Variants in PIAS2 observed in about 807,000 individuals in gnomAD.
The protein encoded by PIAS2 is protein inhibitor of activated STAT 2.
PIAS2 carries 19 observed loss-of-function variants against 69.7 expected under a neutral mutation model. That is an observed-to-expected ratio of 0.27 (90% CI 0.19 to 0.40). The LOEUF (loss-of-function observed/expected upper bound fraction) is 0.40, where lower values mean the gene tolerates loss of function less well. Among genes scored for constraint, PIAS2 ranks in the 10% least tolerant of loss-of-function variants. The pLI is 1.00. For synonymous variants in PIAS2, 261 were observed against 263.2 expected, an observed-to-expected ratio of 0.99 and a Z score of 0.08; for missense variants, 624 against 757.0, an observed-to-expected ratio of 0.82 and a Z score of 2.06.
chr18:46,917,922 GT>G (rs1287207423), upstream of PIAS2: 2 of 152,244 alleles, frequency 1.3e-5, no homozygotes, highest in Non-Finnish European at 2.9e-5. Flanking sequence ...AAATATGGGT[GT>G]TGGGTAAGCT....
In PIAS2 at chr18:46,810,416, C is replaced by G. The variant is rs1205488890; in HGVS notation, c.*2017G>C. 1 of 152,050 alleles carries G rather than the reference C, an allele frequency of 6.6e-6. No individual in the cohort carries two copies. Among genetic ancestry groups the G allele is most frequent in the Non-Finnish European group, 1.5e-5 (1 of 68,030 alleles). The allele number at this position is 152,050 out of a possible 1,614,324, so 9.4% of individuals were successfully genotyped here. On this transcript the variant is annotated 3_prime_UTR_variant, in exon 14 of 14. Transcript: ENST00000585916. ...AAGTTAAGTTTTTTCTATCTGATTA[C>G]AGAGTCAATAAATATTGCATCTGTA...
chr18:46,914,852 C>T (rs1038220926), intron 1 of PIAS2, among the ~76,000 whole-genome samples: 1 of 152,054 alleles, frequency 6.6e-6, no homozygotes, highest in African/African-American at 2.4e-5. Context: ...TTTTCCTGGT[C>T]CTATAATTTA....
At position 46,805,037 on chromosome 18, in the gene PIAS2, G is replaced by C. The variant is rs745741875; in HGVS notation, c.*7396C>G. 2.0e-5 allele frequency: 3 copies of C among 152,252 alleles called. No individual in the cohort carries two copies. The highest frequency in any genetic ancestry group is 4.4e-5 in the Non-Finnish European group (3 of 68,072). 9.4% of individuals were successfully genotyped at this position (152,252 alleles called of 1,614,324 possible). ...GAAACTGGAAACAAAAAAGGATGGAGGTGGTCATAGGTGGGGAAGAAATCA... is the reference window on the plus strand; with the variant it reads ...GAAACTGGAAACAAAAAAGGATGGACGTGGTCATAGGTGGGGAAGAAATCA... On this transcript the variant is annotated 3_prime_UTR_variant, in exon 14 of 14. Coordinates refer to ENST00000585916, the MANE Select transcript of PIAS2 (RefSeq NM_004671.5).
chr18:46,830,293 G>A (rs1209946234), intron 9 of PIAS2, among the ~76,000 whole-genome samples: 2 of 151,874 alleles, frequency 1.3e-5, no homozygotes, highest in African/African-American at 4.8e-5. Flanking sequence ...GGAAGAAAAG[G>A]GAAATAAAAG....
chr18:46,845,832 T>C (rs997941783), intron 6 of PIAS2, among the ~76,000 whole-genome samples: 1 of 152,182 alleles, frequency 6.6e-6, no homozygotes, highest in African/African-American at 2.4e-5. Flanking sequence ...ATTATCCCCA[T>C]TACATGGCAA....
chr18:46,815,816 C>A (rs1426389030), intron 12 of PIAS2: 1 of 993,968 alleles, frequency 1.0e-6, no homozygotes, highest in African/African-American at 1.7e-5. Context: ...TCTGTCCCCG[C>A]TGTCCCCACA....
At position 46,860,188 on chromosome 18, in the gene PIAS2, G is replaced by T. The variant is rs1410717604; in HGVS notation, c.584+3976C>A. Among the ~76,000 whole-genome samples the T allele has an allele frequency of 2.0e-5, 3 of 152,148 alleles. No homozygotes were observed. The East Asian group carries it at 5.8e-4, about 29-fold the overall frequency. ...AACTTTAAAAACCACTCATGTTTGG[G>T]TTCAATCCTGAGATTCTAATTTAAC... On this transcript the variant is annotated intron_variant, in intron 3 of 13. Transcript: ENST00000585916.
rs869285083 is a variant in PIAS2, at chr18:46,807,383, A to ATTTTTTTTT, written c.*5041_*5049dup. ...TATATATATATATATATATATATAT[A>ATTTTTTTTT]TTTTTTTTTTTTTTTTTTTTTTTTT... On this transcript the variant is annotated 3_prime_UTR_variant, in exon 14 of 14. Coordinates refer to ENST00000585916, the MANE Select transcript of PIAS2 (RefSeq NM_004671.5). 5.2e-4 allele frequency: 6 copies of ATTTTTTTTT among 11,600 alleles called. No individual in the cohort carries two copies. Among genetic ancestry groups the ATTTTTTTTT allele is most frequent in the African/African-American group, 5.4e-4 (1 of 1,846 alleles). The allele number at this position is 11,600 out of a possible 1,614,324, so 0.7% of individuals were successfully genotyped here.
chr18:46,892,184 A>AGTCT (rs1364600467), intron 1 of PIAS2, among the ~76,000 whole-genome samples: 1 of 152,114 alleles, frequency 6.6e-6, no homozygotes, highest in Non-Finnish European at 1.5e-5. Flanking sequence ...GTACTTTTTA[A>AGTCT]GTCTCAGGGA....
At chr18:46,851,051 T>C (rs2046890805) in intron 5 of PIAS2, among the ~76,000 whole-genome samples, 1 of 152,230 alleles carries the variant, frequency 6.6e-6, no homozygotes, top group Non-Finnish European at 1.5e-5. Flanking sequence ...AGGTGCCTCT[T>C]CAAATTGGGG....
At chr18:46,890,377 G>C (rs373821695) in intron 2 of PIAS2, among the ~76,000 whole-genome samples, 9 of 152,190 alleles carry the variant, frequency 5.9e-5, no homozygotes, top group African/African-American at 2.2e-4. Flanking sequence ...AAAAGAATTG[G>C]AGAAGAAGAA....
chr18:46,803,639 G>A lies in PIAS2; in HGVS notation c.*8794C>T, dbSNP rs1047494811. 6.6e-6 allele frequency: 1 copy of A among 152,186 alleles called. No individual in the cohort carries two copies. Among genetic ancestry groups the A allele is most frequent in the Non-Finnish European group, 1.5e-5 (1 of 68,042 alleles). 9.4% of individuals were successfully genotyped at this position (152,186 alleles called of 1,614,324 possible). On this transcript the variant is annotated 3_prime_UTR_variant, in exon 14 of 14. Coordinates refer to ENST00000585916, the MANE Select transcript of PIAS2 (RefSeq NM_004671.5). Reference sequence around the variant, plus strand: ...ATTTTTGTTCCAGTTCCAAAGTATTGAGTCTAATAATGATTTGGGTCAGGT... The same window carrying A: ...ATTTTTGTTCCAGTTCCAAAGTATTAAGTCTAATAATGATTTGGGTCAGGT...
At chr18:46,831,534 A>T (rs993479591) in intron 9 of PIAS2, among the ~76,000 whole-genome samples, 1 of 152,226 alleles carries the variant, frequency 6.6e-6, no homozygotes, top group Admixed American at 6.5e-5. Flanking sequence ...AATCTACAAT[A>T]GCCAAGATAA....
At chr18:46,911,838 G>T (rs2057299606) in intron 1 of PIAS2, among the ~76,000 whole-genome samples, 1 of 152,236 alleles carries the variant, frequency 6.6e-6, no homozygotes, top group Non-Finnish European at 1.5e-5. Flanking sequence ...ATCACCGGAG[G>T]TCAGGAGTTC....
chr18:46,898,852 GGCGTGATGGGAGGGTGCCTGTAATCCCA>G (rs1389201843), intron 1 of PIAS2, among the ~76,000 whole-genome samples: 4 of 151,896 alleles, frequency 2.6e-5, no homozygotes, highest in Non-Finnish European at 5.9e-5. Context: ...ATATTAGCCG[GGCGTGATGGGAGGGTGCCTGTAATCCCA>G]GCTACTTGGG....
In PIAS2 at chr18:46,846,817, C is replaced by T. The variant is rs761260067; in HGVS notation, c.751G>A (p.Gly251Arg). 1 of 1,609,022 alleles carries T rather than the reference C, an allele frequency of 6.2e-7. No homozygotes were observed. Among genetic ancestry groups the T allele is most frequent in the South Asian group, 1.1e-5 (1 of 89,740 alleles). Residue 251 changes from glycine (G) to arginine (R), a missense_variant, in exon 6 of 14, where the codon GGG (glycine) becomes AGG (arginine). By Grantham distance (125) the Gly-to-Arg change is moderately radical. Coordinates refer to ENST00000585916, the MANE Select transcript of PIAS2 (RefSeq NM_004671.5). ...LPGYAPPPKNGIEQKRPGRPL... is the reference protein window; with the variant it reads ...LPGYAPPPKNRIEQKRPGRPL... ...CGTCCAGGGCGCTTCTGTTCAATCC[C>T]ATTTTTAGGCGGTGGTGCATAGCCC...
chr18:46,870,573 G>A (rs906224339), intron 2 of PIAS2, among the ~76,000 whole-genome samples: 4 of 122,110 alleles, frequency 3.3e-5, no homozygotes, highest in African/African-American at 1.3e-4. Context: ...CCATGATCGT[G>A]CCACTGCACT....
chr18:46,895,994 G>C (rs1207877639), intron 1 of PIAS2, among the ~76,000 whole-genome samples: 1 of 151,342 alleles, frequency 6.6e-6, no homozygotes, highest in Non-Finnish European at 1.5e-5. Context: ...ACTATTAAGA[G>C]AAACAATAAA....
At chr18:46,862,208 G>A (rs1425744839) in intron 3 of PIAS2, among the ~76,000 whole-genome samples, 1 of 152,112 alleles carries the variant, frequency 6.6e-6, no homozygotes, top group African/African-American at 2.4e-5. Flanking sequence ...GCACCTGCCT[G>A]TAGTCACAGC....
Sources: gnomAD v4.1 joint callset for allele counts (sites outside exome capture counted in the v4.1 genomes callset) on GRCh38, gnomAD v4.1.1 for gene constraint, MANE v1.5 for transcripts, NCBI Gene and HGNC (gene_info 2026-07-23, HGNC 2026-07-21) for gene names.